The following ZNF676 variants were observed in gnomAD, a reference collection of about 807,000 sequenced individuals.
The protein encoded by ZNF676 is zinc finger protein 676.
ZNF676 carries 4 observed loss-of-function variants against 6.0 expected under a neutral mutation model. That is an observed-to-expected ratio of 0.67 (90% confidence interval 0.33 to 1.53). The LOEUF is 1.53. Among genes scored for constraint, ZNF676 ranks in the 40% most tolerant of loss-of-function variants. The pLI is 0.06. For synonymous variants in ZNF676, 198 were observed against 223.1 expected, an observed-to-expected ratio of 0.89 and a Z score of 1.00; for missense variants, 644 against 679.7, an observed-to-expected ratio of 0.95 and a Z score of 0.58.
At chr19:22,222,756 T>G in the ZNF676 span, among the ~76,000 whole-genome samples, 1 of 152,184 alleles carries the variant, frequency 6.6e-6, no homozygotes, top group South Asian at 2.1e-4. Flanking sequence ...TGCGTCTGCA[T>G]AGGATTTACC....
chr19:22,238,655 C>A, the ZNF676 span, among the ~76,000 whole-genome samples: 7 of 152,054 alleles, frequency 4.6e-5, no homozygotes, highest in East Asian at 1.4e-3. Flanking sequence ...TAATGGTGTG[C>A]GTATATATAC....
Position 22,180,286 on chromosome 19 carries a change from G to T in ZNF676, c.1431C>A (p.Tyr477Ter), listed in dbSNP as rs1223488128. The T allele has an allele frequency of 6.2e-7, 1 of 1,612,528 alleles. No individual in the cohort carries two copies. The highest frequency in any genetic ancestry group is 8.5e-7 in the Non-Finnish European group (1 of 1,178,780). Residue 477 changes from tyrosine (Y) to a stop codon, truncating the protein, a stop_gained, in exon 3 of 3, where the codon TAC becomes TAA. Coordinates refer to ENST00000397121, the MANE Select transcript of ZNF676 (RefSeq NM_001001411.3). LOFTEE classifies it low-confidence loss of function (END_TRUNC). ...HKRIHAAEKP[Y>*]KCEECGKGFS... The stretch of plus-strand genomic sequence containing the variant: ...AGCCTTTGCCACATTCTTCACATTT[G>T]TAAGGTTTCTCTGCAGCATGAATTC...
Position 22,192,329 on chromosome 19 carries a change from T to G in ZNF676, c.130+687A>C, listed in dbSNP as rs1225590960. 3.3e-5 allele frequency among the ~76,000 whole-genome samples: 5 copies of G among 152,196 alleles called. No homozygotes were observed. The East Asian group carries it at 9.7e-4, about 29-fold the overall frequency. ...GAGAGAACACAAATAAATTTAAATA[T>G]ATTTTATGTCTATAGATTCAAATAA... On this transcript the variant is annotated intron_variant, in intron 2 of 2. Coordinates refer to ENST00000397121, the MANE Select transcript of ZNF676 (RefSeq NM_001001411.3).
the ZNF676 span, among the ~76,000 whole-genome samples, chr19:22,225,130 C>G: frequency 6.6e-6 from 1 of 152,168 alleles, no homozygotes; most frequent in African/African-American, 2.4e-5. Context: ...TACCCTCTCT[C>G]CAGCCCTTGG....
the ZNF676 span, among the ~76,000 whole-genome samples, chr19:22,230,023 A>G: frequency 6.6e-6 from 1 of 152,202 alleles, no homozygotes; most frequent in African/African-American, 2.4e-5. Context: ...ATTATAAATC[A>G]TTCTACTATA....
At chr19:22,253,379 T>C in the ZNF676 span, among the ~76,000 whole-genome samples, 167 of 92,300 alleles carry the variant, frequency 1.8e-3, 7 homozygotes, top group African/African-American at 9.2e-3. Flanking sequence ...TGTGTATATA[T>C]ATATATATAT....
intron 2 of ZNF676, among the ~76,000 whole-genome samples, chr19:22,185,155 C>A (rs753228353): frequency 3.9e-5 from 6 of 152,128 alleles, no homozygotes; most frequent in Non-Finnish European, 7.3e-5. Flanking sequence ...CTGGGACAAA[C>A]CTTCCAGAGG....
chr19:22,247,629 G>A, the ZNF676 span, among the ~76,000 whole-genome samples: 30 of 148,224 alleles, frequency 2.0e-4, no homozygotes, highest in African/African-American at 4.7e-4. Context: ...TTAAAAAATC[G>A]ACGAGGCAGG....
chr19:22,197,850 G>A (rs2023984531), upstream of ZNF676, among the ~76,000 whole-genome samples: 1 of 152,096 alleles, frequency 6.6e-6, no homozygotes. Context: ...ATGTCCTGAT[G>A]TACCCAGAAG....
At chr19:22,218,359 G>A (rs1409270986), upstream of ZNF676, among the ~76,000 whole-genome samples, 1 of 151,966 alleles carries the variant, frequency 6.6e-6, no homozygotes, top group Non-Finnish European at 1.5e-5. Context: ...TTTTGAGACG[G>A]AGTCTCGCTC....
the ZNF676 span, among the ~76,000 whole-genome samples, chr19:22,239,630 C>T: frequency 2.0e-5 from 3 of 152,328 alleles, no homozygotes; most frequent in Middle Eastern, 3.4e-3. Flanking sequence ...AAACTTTGGA[C>T]TGCCAGAGGG....
chr19:22,230,219 AC>A, the ZNF676 span, among the ~76,000 whole-genome samples: 1 of 152,144 alleles, frequency 6.6e-6, no homozygotes, highest in African/African-American at 2.4e-5. Context: ...GAAGCTGGAA[AC>A]CATAATTCTC....
At chr19:22,252,604 C>A in the ZNF676 span, among the ~76,000 whole-genome samples, 1 of 152,292 alleles carries the variant, frequency 6.6e-6, no homozygotes, top group East Asian at 1.9e-4. Context: ...AGAGTAATAT[C>A]ACCCATGTGA....
chr19:22,196,387 C>A (rs1490198910), intron 1 of ZNF676, among the ~76,000 whole-genome samples: 1 of 152,130 alleles, frequency 6.6e-6, no homozygotes, highest in Non-Finnish European at 1.5e-5. Context: ...CCCCCTTCTC[C>A]CTATCTCCTT....
intron 1 of ZNF676, among the ~76,000 whole-genome samples, chr19:22,194,715 A>G (rs1245166911): frequency 6.6e-5 from 10 of 152,054 alleles, no homozygotes; most frequent in Non-Finnish European, 1.3e-4. Context: ...TTTCATCATA[A>G]TAACACCCCC....
the ZNF676 span, among the ~76,000 whole-genome samples, chr19:22,253,404 G>GTATATATATATATA: frequency 8.8e-4 from 85 of 97,008 alleles, no homozygotes; most frequent in South Asian, 3.3e-3. Context: ...ATGATAATGT[G>GTATATATATATATA]TATATATATA....
intron 2 of ZNF676, among the ~76,000 whole-genome samples, 160 bp from the exon 3 acceptor site, chr19:22,181,746 C>T (rs1244516445): frequency 6.6e-6 from 1 of 152,018 alleles, no homozygotes; most frequent in Non-Finnish European, 1.5e-5. Context: ...GTAATAAAAA[C>T]ATATAGACCA....
At chr19:22,220,378 T>C (rs780141578), upstream of ZNF676, among the ~76,000 whole-genome samples, 17 of 152,176 alleles carry the variant, frequency 1.1e-4, no homozygotes, top group Admixed American at 6.5e-5. Context: ...TGGAATAGTT[T>C]CAGTAGGACT....
chr19:22,201,839 C>T (rs545283994), upstream of ZNF676, among the ~76,000 whole-genome samples: 4 of 149,348 alleles, frequency 2.7e-5, no homozygotes, highest in Middle Eastern at 3.5e-3. Context: ...TAATTGATTG[C>T]ATATACATCA....
Sources: allele counts gnomAD v4.1 joint callset (sites outside exome capture counted in the v4.1 genomes callset), GRCh38; gene constraint gnomAD v4.1.1; transcripts MANE v1.5; gene names NCBI Gene and HGNC (gene_info 2026-07-23, HGNC 2026-07-21).